SPAG16: variants seen among roughly 807,000 people sequenced by gnomAD.
SPAG16 encodes sperm-associated antigen 16 protein.
Under a neutral mutation model 80.4 loss-of-function variants are expected in SPAG16, and 86 were observed. That is an observed-to-expected ratio of 1.07 (90% CI 0.90 to 1.28). The LOEUF (loss-of-function observed/expected upper bound fraction) is 1.28, where lower values mean the gene tolerates loss of function less well. SPAG16 is among the 50% of genes most tolerant of loss of function. The pLI is 0.00. For synonymous variants in SPAG16, 294 were observed against 265.9 expected, an observed-to-expected ratio of 1.11 and a Z score of -1.03; for missense variants, 870 against 765.3, an observed-to-expected ratio of 1.14 and a Z score of -1.61.
intron 9 of SPAG16, among the ~76,000 whole-genome samples, chr2:213,400,873 C>T (rs565931036): frequency 1.3e-5 from 2 of 152,204 alleles, no homozygotes; most frequent in South Asian, 2.1e-4. Context: ...GTGGCATGAT[C>T]GCGGCTCACA....
intron 12 of SPAG16, among the ~76,000 whole-genome samples, chr2:214,001,704 C>T (rs1262347831): frequency 6.6e-6 from 1 of 152,110 alleles, no homozygotes; most frequent in Non-Finnish European, 1.5e-5. Context: ...GTACGGATGA[C>T]AGGCATCAAA....
rs1188682398 is a variant in SPAG16 at position 214,317,828 on chromosome 2, C to T, written c.1721-92312C>T. On this transcript the variant is annotated intron_variant, in intron 15 of 15. Transcript: ENST00000331683. Reference sequence around the variant, plus strand: ...TCCAGTCACCTTCCCCAGTATATTACAGCTCATTAGTCAGAACTGCATCAC... The same window carrying T: ...TCCAGTCACCTTCCCCAGTATATTATAGCTCATTAGTCAGAACTGCATCAC... Among the ~76,000 whole-genome samples the T allele has an allele frequency of 2.6e-5, 4 of 152,186 alleles. No individual in the cohort carries two copies. In the East Asian group the frequency reaches 7.7e-4, roughly 29 times the overall value.
At chr2:213,291,156 T>C (rs990572934) in intron 1 of SPAG16, among the ~76,000 whole-genome samples, 2 of 152,036 alleles carry the variant, frequency 1.3e-5, no homozygotes, top group Non-Finnish European at 2.9e-5. Flanking sequence ...ACCTATGGTA[T>C]CTGCTGCATC....
At chr2:214,144,710 A>G (rs1189655428) in intron 14 of SPAG16, among the ~76,000 whole-genome samples, 2 of 152,110 alleles carry the variant, frequency 1.3e-5, no homozygotes, top group East Asian at 3.8e-4. Flanking sequence ...AAGAAAGGAA[A>G]CAATGTCCTG....
chr2:213,843,047 A>G (rs562529966), intron 10 of SPAG16, among the ~76,000 whole-genome samples: 11 of 151,256 alleles, frequency 7.3e-5, no homozygotes, highest in African/African-American at 2.7e-4. Flanking sequence ...TGATTACACT[A>G]CTTCCCAAAA....
intron 9 of SPAG16, among the ~76,000 whole-genome samples, chr2:213,400,059 T>C (rs1032323785): frequency 2.0e-5 from 3 of 152,012 alleles, no homozygotes; most frequent in Non-Finnish European, 4.4e-5. Context: ...CTCACATCAT[T>C]CTTCCTGTAA....
chr2:213,914,227 T>G (rs1450269361), intron 11 of SPAG16, among the ~76,000 whole-genome samples: 1 of 152,124 alleles, frequency 6.6e-6, no homozygotes, highest in Non-Finnish European at 1.5e-5. Context: ...TTTATTAATT[T>G]AAATAACTAT....
At chr2:213,653,855 T>C (rs986566015) in intron 10 of SPAG16, among the ~76,000 whole-genome samples, 2 of 152,148 alleles carry the variant, frequency 1.3e-5, no homozygotes, top group Admixed American at 1.3e-4. Context: ...AAACATACAG[T>C]TCACATATAG....
chr2:214,171,868 T>C (rs1419112635), intron 15 of SPAG16, among the ~76,000 whole-genome samples: 1 of 151,972 alleles, frequency 6.6e-6, no homozygotes, highest in African/African-American at 2.4e-5. Flanking sequence ...CTTTTTAAAA[T>C]ACATTTTATT....
intron 10 of SPAG16, among the ~76,000 whole-genome samples, chr2:213,661,813 A>G (rs1294989577): frequency 2.6e-5 from 4 of 152,196 alleles, no homozygotes; most frequent in Non-Finnish European, 5.9e-5. Context: ...TGTGTTACTT[A>G]TGTTCAATTA....
intron 15 of SPAG16, chr2:214,280,888 C>T (rs1017459446): frequency 1.2e-5 from 5 of 428,768 alleles, no homozygotes; most frequent in Non-Finnish European, 2.2e-5. Flanking sequence ...TCTTCCTCTA[C>T]TTAGTAGCAC....
chr2:214,253,141 A>T (rs1690422873), intron 15 of SPAG16, among the ~76,000 whole-genome samples: 1 of 138,346 alleles, frequency 7.2e-6, no homozygotes, highest in Non-Finnish European at 1.6e-5. Flanking sequence ...CCACTTTTTG[A>T]TGGAGTTGTT....
intron 10 of SPAG16, among the ~76,000 whole-genome samples, chr2:213,631,370 T>G (rs1208396890): frequency 6.6e-6 from 1 of 152,232 alleles, no homozygotes; most frequent in East Asian, 1.9e-4. Flanking sequence ...ATGTATTATG[T>G]TCCATTGACC....
chr2:214,375,853 G>A (rs1433651125), intron 15 of SPAG16, among the ~76,000 whole-genome samples: 9 of 152,072 alleles, frequency 5.9e-5, no homozygotes. Flanking sequence ...TGAGAGAAAT[G>A]GAGAAGGAAG....
intron 15 of SPAG16, among the ~76,000 whole-genome samples, chr2:214,224,638 G>C (rs1260548720): frequency 6.6e-6 from 1 of 152,148 alleles, no homozygotes; most frequent in Admixed American, 6.6e-5. Context: ...AGCTGTGTTT[G>C]CTTTGTTGTT....
chr2:213,766,610 T>A (rs1384298569), intron 10 of SPAG16, among the ~76,000 whole-genome samples: 2 of 152,060 alleles, frequency 1.3e-5, no homozygotes, highest in Non-Finnish European at 2.9e-5. Context: ...GATATGGGGG[T>A]GGTCTCAGTG....
At chr2:213,953,332 A>T (rs7425126) in intron 12 of SPAG16, among the ~76,000 whole-genome samples, 2 of 151,616 alleles carry the variant, frequency 1.3e-5, no homozygotes, top group Non-Finnish European at 3.0e-5. Flanking sequence ...AAATATTTTA[A>T]CATCCAAAGG....
intron 12 of SPAG16, among the ~76,000 whole-genome samples, chr2:213,971,879 G>GTTTTTTTTTTTTTTTTTTTT (rs895112369): frequency 6.7e-6 from 1 of 148,206 alleles, no homozygotes; most frequent in African/African-American, 2.5e-5. Context: ...TTGTTTTTTG[G>GTTTTTTTTTTTTTTTTTTTT]TTTTTTTTTT....
rs569386539 is a variant in SPAG16 at position 214,382,382 on chromosome 2, A to G, written c.1721-27758A>G. Among the ~76,000 whole-genome samples the G allele has an allele frequency of 2.6e-5, 4 of 152,362 alleles. No individual in the cohort carries two copies. The East Asian group carries it at 7.7e-4, about 29-fold the overall frequency. ...AACTACAACATATTTGTTGCAAAAT[A>G]GAACCTACATTTTTCAAAACCTGAC... is the stretch of plus-strand genomic sequence containing the variant. On this transcript the variant is annotated intron_variant, in intron 15 of 15. Coordinates refer to ENST00000331683, the MANE Select transcript of SPAG16 (RefSeq NM_024532.5).
Sources: allele counts gnomAD v4.1 joint callset (sites outside exome capture counted in the v4.1 genomes callset), GRCh38; gene constraint gnomAD v4.1.1; transcripts MANE v1.5; gene names NCBI Gene and HGNC (gene_info 2026-07-23, HGNC 2026-07-21).